NPAS3: variants seen among roughly 807,000 people sequenced by gnomAD.
NPAS3 encodes neuronal PAS domain protein 3, also known as neuronal PAS domain-containing protein 3.
In NPAS3, 14 loss-of-function variants were observed where a neutral mutation model predicts 73.1. That is an observed-to-expected ratio of 0.19 (90% CI 0.13 to 0.30). The LOEUF (loss-of-function observed/expected upper bound fraction) is 0.30. Ranked by LOEUF, NPAS3 falls within the 10% of genes least tolerant of loss-of-function variation. NPAS3 has a pLI of 1.00. For missense variants in NPAS3, 1,096 were observed against 1,250.0 expected (o/e 0.88, Z 1.86); for synonymous variants, 620 against 541.5 (o/e 1.14, Z -2.01).
At chr14:33,705,568 G>C (rs1213949474) in intron 6 of NPAS3, among the ~76,000 whole-genome samples, 1 of 152,178 alleles carries the variant, frequency 6.6e-6, no homozygotes, top group African/African-American at 2.4e-5. Flanking sequence ...GGACATTCTA[G>C]AGTTGAAGCC....
intron 4 of NPAS3, among the ~76,000 whole-genome samples, chr14:33,413,248 CT>C (rs947618162): frequency 6.6e-4 from 97 of 146,036 alleles, no homozygotes; most frequent in Admixed American, 2.7e-3. Flanking sequence ...TTTTGTTCCT[CT>C]TTTTTTTTTT....
At chr14:33,111,693 G>A (rs567956652) in intron 2 of NPAS3, among the ~76,000 whole-genome samples, 29 of 150,794 alleles carry the variant, frequency 1.9e-4, no homozygotes, top group African/African-American at 7.1e-4. Flanking sequence ...TCAAGTTTTA[G>A]GGTACATGTG....
chr14:33,221,440 G>A (rs575614007), intron 3 of NPAS3, among the ~76,000 whole-genome samples: 23 of 152,210 alleles, frequency 1.5e-4, no homozygotes, highest in Non-Finnish European at 3.2e-4. Flanking sequence ...CTTGTGTATT[G>A]TTTTTATCTG....
intron 2 of NPAS3, among the ~76,000 whole-genome samples, chr14:33,089,038 C>CAAAGATCAAAGGTAGAGAAAACCACA (rs57623601): frequency 6.9e-6 from 1 of 144,654 alleles, no homozygotes; most frequent in Admixed American, 6.8e-5. Flanking sequence ...TCACCATCAT[C>CAAAGATCAAAGGTAGAGAAAACCACA]AAGATGAGGA....
At chr14:33,219,364 C>T (rs1383313134) in intron 3 of NPAS3, among the ~76,000 whole-genome samples, 1 of 152,206 alleles carries the variant, frequency 6.6e-6, no homozygotes, top group African/African-American at 2.4e-5. Context: ...CTCTATTAAT[C>T]TAGGAATATT....
chr14:33,115,546 G>A (rs8016787), intron 2 of NPAS3, among the ~76,000 whole-genome samples: 104,239 of 152,038 alleles, frequency 0.69, 36,185 homozygotes, highest in Middle Eastern at 0.8. Context: ...TTATGAAAAG[G>A]ACTGTGTGTG....
chr14:33,460,614 G>C (rs979366854), intron 4 of NPAS3, among the ~76,000 whole-genome samples: 1 of 152,104 alleles, frequency 6.6e-6, no homozygotes, highest in African/African-American at 2.4e-5. Context: ...GAATAATCAC[G>C]TATATTTTCG....
At chr14:33,669,423 C>T (rs2059548399) in intron 5 of NPAS3, among the ~76,000 whole-genome samples, 1 of 152,158 alleles carries the variant, frequency 6.6e-6, no homozygotes, top group Non-Finnish European at 1.5e-5. Flanking sequence ...GATGTAATAT[C>T]CCCTCAGTAT....
At chr14:33,275,052 G>A (rs1288785667) in intron 3 of NPAS3, among the ~76,000 whole-genome samples, 2 of 152,190 alleles carry the variant, frequency 1.3e-5, no homozygotes, top group Non-Finnish European at 2.9e-5. Context: ...ATTTACAAAT[G>A]TGCATGTGAG....
chr14:33,166,081 G>A lies in NPAS3; in HGVS notation c.141-49101G>A, dbSNP rs150722160. ...CTCCCCATGTGCTTCCACTACTGTC[G>A]GTGCTGTGCTGTTGATAAGCTGTCA... On this transcript the variant is annotated intron_variant, in intron 2 of 11. Coordinates refer to ENST00000356141, the Ensembl canonical transcript of NPAS3. 5.9e-5 allele frequency among the ~76,000 whole-genome samples: 9 copies of A among 152,258 alleles called. No homozygotes were observed. In the East Asian group the frequency reaches 1.5e-3, roughly 26 times the overall value.
intron 4 of NPAS3, among the ~76,000 whole-genome samples, chr14:33,538,061 G>A (rs1031408192): frequency 2.0e-5 from 3 of 152,104 alleles, no homozygotes; most frequent in Non-Finnish European, 4.4e-5. Flanking sequence ...ACTTTACATT[G>A]GAACACGAAT....
chr14:33,765,778 G>A (rs718059), intron 7 of NPAS3, among the ~76,000 whole-genome samples: 22,618 of 152,154 alleles, frequency 0.15, 1,857 homozygotes, highest in South Asian at 0.23. Flanking sequence ...CTGCTCTCCT[G>A]ATGGAGAGGA....
intron 3 of NPAS3, among the ~76,000 whole-genome samples, chr14:33,237,096 G>A (rs1347355133): frequency 3.9e-5 from 6 of 152,042 alleles, no homozygotes; most frequent in African/African-American, 1.4e-4. Flanking sequence ...CCTTTTTGAA[G>A]AAACGTCATG....
intron 3 of NPAS3, among the ~76,000 whole-genome samples, chr14:33,270,842 A>G (rs2041041239): frequency 6.6e-6 from 1 of 152,060 alleles, no homozygotes; most frequent in Non-Finnish European, 1.5e-5. Context: ...TGAGAAGTGA[A>G]CACCTTTCTG....
At chr14:33,121,494 C>T (rs1010088968) in intron 2 of NPAS3, among the ~76,000 whole-genome samples, 3 of 152,088 alleles carry the variant, frequency 2.0e-5, no homozygotes, top group Non-Finnish European at 4.4e-5. Context: ...CTGTATAATC[C>T]CAGCACCTGG....
At chr14:33,511,110 G>A (rs2053029241) in intron 4 of NPAS3, among the ~76,000 whole-genome samples, 1 of 152,066 alleles carries the variant, frequency 6.6e-6, no homozygotes, top group Non-Finnish European at 1.5e-5. Flanking sequence ...CAAGAAGAAA[G>A]TTTTCAGCAC....
chr14:33,664,653 C>G (rs2059401587), intron 5 of NPAS3, among the ~76,000 whole-genome samples: 1 of 152,150 alleles, frequency 6.6e-6, no homozygotes, highest in African/African-American at 2.4e-5. Flanking sequence ...CTACAAGGAA[C>G]TCAAACAAAT....
chr14:33,260,839 A>G (rs2048950256), intron 3 of NPAS3, among the ~76,000 whole-genome samples: 1 of 152,118 alleles, frequency 6.6e-6, no homozygotes, highest in Non-Finnish European at 1.5e-5. Context: ...TTTTCTTTCC[A>G]GAAACCTACA....
chr14:33,637,978 C>A lies in NPAS3; in HGVS notation c.559-38233C>A, dbSNP rs1350564549. 3.9e-5 allele frequency among the ~76,000 whole-genome samples: 6 copies of A among 152,170 alleles called. No homozygotes were observed. The South Asian group carries it at 1.0e-3, about 26-fold the overall frequency. On this transcript the variant is annotated intron_variant, in intron 5 of 11. Coordinates refer to ENST00000356141, the Ensembl canonical transcript of NPAS3. ...TGCCATGTGTCTCCTATGAAGTGAT[C>A]TTTCCGTGCTGTGAGTTCCGGTAGG... is the stretch of plus-strand genomic sequence containing the variant.
Sources: gnomAD v4.1 joint callset for allele counts (sites outside exome capture counted in the v4.1 genomes callset) on GRCh38, gnomAD v4.1.1 for gene constraint, MANE v1.5 for transcripts, NCBI Gene and HGNC (gene_info 2026-07-23, HGNC 2026-07-21) for gene names.